ARHGEF33: variants seen among roughly 807,000 people sequenced by gnomAD.
ARHGEF33 encodes the protein DH and coiled-coil domain-containing protein ENSP00000381780.
In ARHGEF33, 72 loss-of-function variants were observed where a neutral mutation model predicts 101.9. That is an observed-to-expected ratio of 0.71 (90% confidence interval 0.58 to 0.86). The LOEUF (loss-of-function observed/expected upper bound fraction) is 0.86. Ranked by LOEUF, ARHGEF33 falls within the 40% of genes least tolerant of loss-of-function variation. The pLI, the probability that ARHGEF33 is intolerant of heterozygous loss-of-function variation, is 0.00. For missense variants in ARHGEF33, 1,169 were observed against 1,111.3 expected (o/e 1.05, Z -0.74); for synonymous variants, 499 against 442.5 (o/e 1.13, Z -1.60).
chr2:38,895,293 G>C (rs1451186450), intron 1 of ARHGEF33, among the ~76,000 whole-genome samples: 1 of 152,194 alleles, frequency 6.6e-6, no homozygotes, highest in Admixed American at 6.5e-5. Context: ...TTAATTTTGA[G>C]TATAGATCAC....
chr2:38,904,701 CTG>C (rs1666348550), intron 2 of ARHGEF33, among the ~76,000 whole-genome samples: 1 of 77,636 alleles, frequency 1.3e-5, no homozygotes, highest in African/African-American at 3.3e-5. Context: ...GAGCGAGACT[CTG>C]TATCAAAAAA....
chr2:38,894,130 G>A (rs2124975605), intron 1 of ARHGEF33, among the ~76,000 whole-genome samples: 1 of 152,100 alleles, frequency 6.6e-6, no homozygotes, highest in African/African-American at 2.4e-5. Flanking sequence ...ACCAGCTTGG[G>A]CAACGTGGCA....
At chr2:38,955,245 C>T (rs958017600) in intron 13 of ARHGEF33, among the ~76,000 whole-genome samples, 2 of 152,154 alleles carry the variant, frequency 1.3e-5, no homozygotes, top group East Asian at 3.8e-4. Flanking sequence ...AGATGATGAG[C>T]TGATGTCTTC....
chr2:38,919,369 GGAA>G lies in ARHGEF33; in HGVS notation c.-76_-74del. The G allele has an allele frequency of 1.4e-6, 2 of 1,413,878 alleles. No homozygotes were observed. The highest frequency in any genetic ancestry group is 2.5e-5 in the South Asian group (2 of 81,306). The allele number at this position is 1,413,878 out of a possible 1,614,324, so 87.6% of individuals were successfully genotyped here. On this transcript the variant is annotated 5_prime_UTR_variant, in exon 3 of 18. Coordinates refer to ENST00000409978, the MANE Select transcript of ARHGEF33 (RefSeq NM_001145451.5). ...TCTTGATTTGAATTGACAGGTGCAG[GGAA>G]GAGGAGGTGGCCTGAGCCAGGACGA...
chr2:38,916,579 T>C (rs954880853), intron 2 of ARHGEF33, among the ~76,000 whole-genome samples: 3 of 152,226 alleles, frequency 2.0e-5, no homozygotes, highest in Non-Finnish European at 4.4e-5. Flanking sequence ...ATAACTTTCA[T>C]GCTTACATGA....
chr2:38,961,030 C>G (rs1211889444), intron 16 of ARHGEF33, among the ~76,000 whole-genome samples: 2 of 152,036 alleles, frequency 1.3e-5, no homozygotes, highest in Non-Finnish European at 2.9e-5. Context: ...GCACTTTTTT[C>G]AGAGCCCCGC....
At chr2:38,944,112 C>A in intron 10 of ARHGEF33, 82 bp downstream of exon 10, 3 of 1,411,274 alleles carry the variant, frequency 2.1e-6, no homozygotes, top group Non-Finnish European at 2.8e-6. Context: ...TTTGGGATTT[C>A]TGGGGCCTAT....
At chr2:38,902,041 G>A (rs966851385) in intron 2 of ARHGEF33, among the ~76,000 whole-genome samples, 6 of 151,956 alleles carry the variant, frequency 3.9e-5, no homozygotes, top group Admixed American at 2.6e-4. Context: ...CGTGAACCCG[G>A]GAGGTGGAGC....
chr2:38,960,552 GGCC>G lies in ARHGEF33; in HGVS notation c.2258_2260del (p.Ala753del), dbSNP rs746974243. ...AGCGCGCCGCGCAGGCGCACGGCCCGGCCGCCGCCGCCGTCGCCGCCCGCGGCG... is the reference window on the plus strand; with the variant it reads ...AGCGCGCCGCGCAGGCGCACGGCCCGGCCGCCGCCGTCGCCGCCCGCGGCG... On this transcript the variant is annotated inframe_deletion, in exon 16 of 18. Transcript: ENST00000409978. 816 of 1,273,024 alleles carry G rather than the reference GGCC, an allele frequency of 6.4e-4. No homozygotes were observed. Among genetic ancestry groups the G allele is most frequent in the Non-Finnish European group, 7.6e-4 (756 of 996,466 alleles). 78.9% of individuals were successfully genotyped at this position (1,273,024 alleles called of 1,614,324 possible).
intron 17 of ARHGEF33, among the ~76,000 whole-genome samples, chr2:38,968,667 T>A (rs150084182): frequency 6.6e-6 from 1 of 152,330 alleles, no homozygotes; most frequent in East Asian, 1.9e-4. Context: ...CCCTCCTGCA[T>A]CAATCATGTT....
intron 9 of ARHGEF33, 131 bp from the exon 10 acceptor site, chr2:38,943,770 C>T: frequency 1.0e-6 from 1 of 973,618 alleles, no homozygotes. Context: ...CTGCTTTCTA[C>T]CTTTCAAAAA....
intron 2 of ARHGEF33, among the ~76,000 whole-genome samples, chr2:38,908,787 T>G (rs1251811043): frequency 6.6e-6 from 1 of 152,216 alleles, no homozygotes; most frequent in Non-Finnish European, 1.5e-5. Flanking sequence ...GCCTGCTCTT[T>G]CTTGGTTTTT....
intron 2 of ARHGEF33, among the ~76,000 whole-genome samples, chr2:38,905,687 T>A (rs1015341682): frequency 6.6e-6 from 1 of 152,214 alleles, no homozygotes; most frequent in South Asian, 2.1e-4. Flanking sequence ...GGAAGCCTGA[T>A]GAAAATTTTC....
chr2:38,969,826 A>G (rs2124433142), intron 17 of ARHGEF33, among the ~76,000 whole-genome samples: 1 of 152,358 alleles, frequency 6.6e-6, no homozygotes, highest in East Asian at 1.9e-4. Flanking sequence ...ACCAATACTT[A>G]TTCCCCTGCC....
In ARHGEF33 at chr2:38,905,222, A is replaced by T. The variant is rs116488462; in HGVS notation, c.-86+9373A>T. 1.1e-4 allele frequency among the ~76,000 whole-genome samples: 17 copies of T among 152,300 alleles called. No homozygotes were observed. In the East Asian group the frequency reaches 1.7e-3, roughly 16 times the overall value. On this transcript the variant is annotated intron_variant, in intron 2 of 17. Transcript: ENST00000409978. Reference sequence around the variant, plus strand: ...CCAGTTTTGTTTCCTTTCCTTAAAGACCTGAATACTAAAACATAGGTAAAA... The same window carrying T: ...CCAGTTTTGTTTCCTTTCCTTAAAGTCCTGAATACTAAAACATAGGTAAAA...
intron 4 of ARHGEF33, among the ~76,000 whole-genome samples, chr2:38,925,298 T>C (rs1666846508): frequency 6.6e-6 from 1 of 152,246 alleles, no homozygotes; most frequent in African/African-American, 2.4e-5. Flanking sequence ...AAGTGTCTAA[T>C]TGAAACACTA....
At chr2:38,907,949 C>T (rs144059167) in intron 2 of ARHGEF33, among the ~76,000 whole-genome samples, 1 of 151,278 alleles carries the variant, frequency 6.6e-6, no homozygotes, top group Non-Finnish European at 1.5e-5. Flanking sequence ...GCCTTGACCT[C>T]CTGGGCTCAA....
intron 10 of ARHGEF33, among the ~76,000 whole-genome samples, chr2:38,950,607 G>A (rs1667575200): frequency 6.6e-6 from 1 of 152,066 alleles, no homozygotes; most frequent in Non-Finnish European, 1.5e-5. Context: ...ATGCCACCAT[G>A]CCCAGCTAAT....
intron 10 of ARHGEF33, among the ~76,000 whole-genome samples, chr2:38,949,348 C>T (rs1667533559): frequency 6.6e-6 from 1 of 152,134 alleles, no homozygotes; most frequent in African/African-American, 2.4e-5. Flanking sequence ...CCTTAAGTCA[C>T]CAAGTTAGAG....
Sources: gnomAD v4.1 joint callset for allele counts (sites outside exome capture counted in the v4.1 genomes callset) on GRCh38, gnomAD v4.1.1 for gene constraint, MANE v1.5 for transcripts, NCBI Gene and HGNC (gene_info 2026-07-23, HGNC 2026-07-21) for gene names.